Variants in TEAD4 observed in about 807,000 individuals in gnomAD.
The protein encoded by TEAD4 is TEA domain transcription factor 4.
Under a neutral mutation model 52.4 loss-of-function variants are expected in TEAD4, and 36 were observed. The ratio of observed to expected loss-of-function variants is 0.69; its 90% CI spans 0.53 to 0.91. The LOEUF is 0.91. TEAD4 is among the 40% of genes least tolerant of loss of function. The pLI is 0.00. For synonymous variants in TEAD4, 220 were observed against 231.0 expected (o/e 0.95, Z 0.43); for missense variants, 508 against 583.9 (o/e 0.87, Z 1.34).
At chr12:3,033,767 C>T (rs2098277465) in intron 10 of TEAD4, among the ~76,000 whole-genome samples, 1 of 152,228 alleles carries the variant, frequency 6.6e-6, no homozygotes, top group African/African-American at 2.4e-5. Flanking sequence ...GGGGCACTCA[C>T]AGGGCAGGGG....
At chr12:3,023,727 G>T (rs1197628793) in intron 10 of TEAD4, among the ~76,000 whole-genome samples, 1 of 150,566 alleles carries the variant, frequency 6.6e-6, no homozygotes, top group Non-Finnish European at 1.5e-5. Flanking sequence ...GGGAGGCGGA[G>T]GTTGCAGTGA....
At chr12:3,019,197 T>C in intron 8 of TEAD4, 27 bp downstream of exon 8, 2 of 1,612,608 alleles carry the variant, frequency 1.2e-6, no homozygotes, top group South Asian at 1.1e-5. Context: ...TGGCCCCCTT[T>C]CTATCGCAGC....
chr12:3,004,046 T>C (rs1484211265), intron 3 of TEAD4, among the ~76,000 whole-genome samples: 1 of 152,252 alleles, frequency 6.6e-6, no homozygotes, highest in Non-Finnish European at 1.5e-5. Flanking sequence ...TGCCCCTGAC[T>C]CTGGGGGCCT....
chr12:3,021,603 A>G (rs4759429), intron 9 of TEAD4, among the ~76,000 whole-genome samples: 113,807 of 152,064 alleles, frequency 0.75, 44,131 homozygotes, highest in East Asian at 0.97. Flanking sequence ...GAGCCGCCGC[A>G]CCCGGCTCAG....
chr12:2,993,070 C>T (rs749527619), intron 2 of TEAD4, among the ~76,000 whole-genome samples: 9 of 152,082 alleles, frequency 5.9e-5, no homozygotes, highest in Non-Finnish European at 1.0e-4. Flanking sequence ...GAATAGTGAC[C>T]TACATTATAT....
At chr12:2,965,911 G>A (rs2098219881) in intron 2 of TEAD4, among the ~76,000 whole-genome samples, 1 of 151,908 alleles carries the variant, frequency 6.6e-6, no homozygotes, top group Non-Finnish European at 1.5e-5. Flanking sequence ...ACCCAGGATG[G>A]AGTGCAGTGA....
At chr12:3,025,772 A>G (rs2098271703) in intron 10 of TEAD4, among the ~76,000 whole-genome samples, 1 of 152,100 alleles carries the variant, frequency 6.6e-6, no homozygotes, top group Non-Finnish European at 1.5e-5. Flanking sequence ...CCTGGTCTCA[A>G]GTGATCCTCC....
Position 3,017,436 on chromosome 12 carries a change from T to C in TEAD4, c.393T>C (p.Ala131=). Residue 131 remains alanine (A), a synonymous_variant, in exon 6 of 13, where the codon GCT becomes GCC. Transcript: ENST00000359864. ...AGGACAAGGCCCTGCAGAGCATGGC[T>C]GCCATGTCGTCTGCACAGATCATCT... 2 of 1,614,164 alleles carry C rather than the reference T, an allele frequency of 1.2e-6. No individual in the cohort carries two copies. The highest frequency in any genetic ancestry group is 2.2e-5 in the South Asian group (2 of 91,092).
chr12:2,968,945 T>G (rs1325387339), intron 2 of TEAD4, among the ~76,000 whole-genome samples: 1 of 152,246 alleles, frequency 6.6e-6, no homozygotes, highest in East Asian at 1.9e-4. Flanking sequence ...TATGAGCCAC[T>G]GTGCTGGGCC....
At position 2,994,619 on chromosome 12, in the gene TEAD4, CT is replaced by C; in HGVS notation, c.-29-117del. 1 of 1,335,946 alleles carries C rather than the reference CT, an allele frequency of 7.5e-7. No individual in the cohort carries two copies. The highest frequency in any genetic ancestry group is 9.9e-7 in the Non-Finnish European group (1 of 1,010,634). The allele number at this position is 1,335,946 out of a possible 1,614,324, so 82.8% of individuals were successfully genotyped here. A position where few individuals can be genotyped will look rare whatever the true frequency, so the allele number is the denominator to read the frequency against. Reference sequence around the variant, plus strand: ...AGGCCTGATTCTCACAGATCTTTCACTTCACGCTTTGCTTCCTGAGCAACTG... The same window carrying C: ...AGGCCTGATTCTCACAGATCTTTCACTCACGCTTTGCTTCCTGAGCAACTG... On this transcript the variant is annotated intron_variant, in intron 2 of 12. Transcript: ENST00000359864. The surrounding 1 kb of genome is among the most constrained non-coding windows in gnomAD (Gnocchi z 4.7).
chr12:2,962,301 A>AATAT (rs1555118307), intron 2 of TEAD4, among the ~76,000 whole-genome samples: 1 of 29,574 alleles, frequency 3.4e-5, no homozygotes, highest in South Asian at 1.1e-3. Context: ...TATATATATA[A>AATAT]ATATAAATAT....
chr12:3,040,166 CTG>C lies in TEAD4; in HGVS notation c.1101_1102del (p.Cys367Ter), dbSNP rs1379140974. Reference sequence around the variant, plus strand: ...CTTACCGCATCCACCGGTCCCCGCTCTGTGAGTACATGATCAACTTCATCCAC... The same window carrying C: ...CTTACCGCATCCACCGGTCCCCGCTCTGAGTACATGATCAACTTCATCCAC... On this transcript the variant is annotated frameshift_variant, in exon 12 of 13. Coordinates refer to ENST00000359864, the MANE Select transcript of TEAD4 (RefSeq NM_003213.4). LOFTEE classifies it high-confidence loss of function. The C allele has an allele frequency of 6.2e-7, 1 of 1,614,110 alleles. No homozygotes were observed. The highest frequency in any genetic ancestry group is 2.2e-5 in the East Asian group (1 of 44,890).
At chr12:3,037,392 A>C (rs557796547) in intron 10 of TEAD4, among the ~76,000 whole-genome samples, 1 of 152,234 alleles carries the variant, frequency 6.6e-6, no homozygotes, top group Non-Finnish European at 1.5e-5. Context: ...CAGTGCCTAG[A>C]GGGGGAAGAG....
At chr12:2,980,930 C>T (rs2335326) in intron 2 of TEAD4, among the ~76,000 whole-genome samples, 114,438 of 151,958 alleles carry the variant, frequency 0.75, 44,030 homozygotes, top group Middle Eastern at 0.84. Context: ...GCTTCAGAGC[C>T]GCAGTCTGAG....
chr12:3,036,344 G>A (rs1213257808), intron 10 of TEAD4, among the ~76,000 whole-genome samples: 4 of 151,990 alleles, frequency 2.6e-5, no homozygotes, highest in Non-Finnish European at 5.9e-5. Context: ...GCTACATAAT[G>A]TTTCTATTGT....
chr12:2,997,809 G>T lies in TEAD4; in HGVS notation c.226+2817G>T, dbSNP rs552572659. Among the ~76,000 whole-genome samples, 516 of 151,182 alleles carry T rather than the reference G, an allele frequency of 3.4e-3. 4 individuals carry two copies. Among genetic ancestry groups the T allele is most frequent in the African/African-American group, 0.011 (468 of 41,066 alleles). On this transcript the variant is annotated intron_variant, in intron 3 of 12. Transcript: ENST00000359864. ...GGCTTTGAGGACTTGCTTTTTCGGG[G>T]GGGGGGTGTGTGTGTGTTAAAAAAT...
rs111248499 is a variant in TEAD4, at chr12:3,038,786, T to C, written c.1038+678T>C. The stretch of plus-strand genomic sequence containing the variant: ...GATAAAATCCTCTGTATTTTGGCCC[T>C]AAACAAGGGCCAAGTTATCTTCACT... On this transcript the variant is annotated intron_variant, in intron 11 of 12. Coordinates refer to ENST00000359864, the MANE Select transcript of TEAD4 (RefSeq NM_003213.4). Among the ~76,000 whole-genome samples the C allele has an allele frequency of 4.4e-3, 666 of 152,246 alleles. 6 individuals carry two copies. Among genetic ancestry groups the C allele is most frequent in the African/African-American group, 0.015 (614 of 41,534 alleles).
At chr12:3,006,079 T>C (rs1189201333) in intron 3 of TEAD4, among the ~76,000 whole-genome samples, 1 of 152,258 alleles carries the variant, frequency 6.6e-6, no homozygotes, top group African/African-American at 2.4e-5. Context: ...ATGATGGGTA[T>C]GTTAATTATT....
In TEAD4 at chr12:3,002,145, C is replaced by T. The variant is rs548220534; in HGVS notation, c.226+7153C>T. Among the ~76,000 whole-genome samples the T allele has an allele frequency of 2.1e-4, 32 of 152,294 alleles. 1 individual carries two copies. In the East Asian group the frequency reaches 6.2e-3, roughly 29 times the overall value. ...TTCCCCTTTTATGTCTGGCTTATTT[C>T]AGTTGGCATAATGTCCTTAAGGTTC... On this transcript the variant is annotated intron_variant, in intron 3 of 12. Transcript: ENST00000359864.
Sources: allele counts gnomAD v4.1 joint callset (sites outside exome capture counted in the v4.1 genomes callset), GRCh38; gene constraint gnomAD v4.1.1; non-coding constraint Gnocchi (gnomAD v3.1); transcripts MANE v1.5; gene names NCBI Gene and HGNC (gene_info 2026-07-23, HGNC 2026-07-21).